The following ST8SIA3 variants were observed in gnomAD, a reference collection of about 807,000 sequenced individuals.
ST8SIA3 encodes alpha-N-acetylneuraminate alpha-2,8-sialyltransferase ST8SIA3.
A neutral mutation model predicts 34.5 loss-of-function variants in ST8SIA3; 17 were observed. The observed-to-expected ratio is 0.49, with a 90% CI of 0.34 to 0.74. The LOEUF (loss-of-function observed/expected upper bound fraction) is 0.74. Among genes scored for constraint, ST8SIA3 ranks in the 30% least tolerant of loss-of-function variants. The pLI is 0.01. For missense variants in ST8SIA3, 354 were observed against 467.8 expected (o/e 0.76, Z 2.24); for synonymous variants, 172 against 176.1 (o/e 0.98, Z 0.19).
rs1440239607 is a variant in ST8SIA3 at position 57,361,784 on chromosome 18, T to G, written c.*1507T>G. On this transcript the variant is annotated 3_prime_UTR_variant, in exon 4 of 4. Coordinates refer to ENST00000324000, the MANE Select transcript of ST8SIA3 (RefSeq NM_015879.3). ...TCTTTCCAAATGCCAGTCAAGCATA[T>G]TTGTTATGCATTTGAGTGGGGTAGC... 1.3e-5 allele frequency: 2 copies of G among 152,638 alleles called. No homozygotes were observed. Among genetic ancestry groups the G allele is most frequent in the East Asian group, 3.9e-4 (2 of 5,192 alleles). 9.5% of individuals were successfully genotyped at this position (152,638 alleles called of 1,614,324 possible).
Position 57,352,732 on chromosome 18 carries a change from TCACACACACACACA to T in ST8SIA3, c.-90_-77del, listed in dbSNP as rs59006823. On this transcript the variant is annotated 5_prime_UTR_variant, in exon 1 of 4. Coordinates refer to ENST00000324000, the MANE Select transcript of ST8SIA3 (RefSeq NM_015879.3). ...CCTCCTCCGCCACACGCGCGCGCGC[TCACACACACACACA>T]CACACACACACACACACACACACAT... is the stretch of plus-strand genomic sequence containing the variant. 579 of 390,278 alleles carry T rather than the reference TCACACACACACACA, an allele frequency of 1.5e-3. 2 individuals are homozygous for T. Among genetic ancestry groups the T allele is most frequent in the African/African-American group, 8.1e-3 (311 of 38,358 alleles). 24.2% of individuals were successfully genotyped at this position (390,278 alleles called of 1,614,324 possible).
At position 57,352,807 on chromosome 18, in the gene ST8SIA3, A is replaced by G. The variant is rs755824462; in HGVS notation, c.-40A>G. On this transcript the variant is annotated 5_prime_UTR_variant, in exon 1 of 4. Coordinates refer to ENST00000324000, the MANE Select transcript of ST8SIA3 (RefSeq NM_015879.3). ...CAGCGAGCTGCTGGCCGCTCAATGG[A>G]CCGATTTCCCCGGTTTCCCTGAACC... The G allele has an allele frequency of 2.5e-6, 4 of 1,587,484 alleles. No homozygotes were observed. The highest frequency in any genetic ancestry group is 3.4e-6 in the Non-Finnish European group (4 of 1,160,170).
chr18:57,357,526 G>A (rs2049806510), intron 3 of ST8SIA3, 56 bp downstream of exon 3: 7 of 1,411,400 alleles, frequency 5.0e-6, no homozygotes, highest in Middle Eastern at 1.8e-4. Context: ...AATCAATGTT[G>A]TAATCTCTTG....
chr18:57,365,777 T>C lies in ST8SIA3; in HGVS notation c.*5500T>C, dbSNP rs1266230445. 3.3e-5 allele frequency: 5 copies of C among 152,232 alleles called. No individual in the cohort carries two copies. Among genetic ancestry groups the C allele is most frequent in the Non-Finnish European group, 7.3e-5 (5 of 68,052 alleles). 9.4% of individuals were successfully genotyped at this position (152,232 alleles called of 1,614,324 possible). On this transcript the variant is annotated 3_prime_UTR_variant, in exon 4 of 4. Coordinates refer to ENST00000324000, the MANE Select transcript of ST8SIA3 (RefSeq NM_015879.3). The stretch of plus-strand genomic sequence containing the variant: ...GGTGATCAGTTATTACTTGTGGCCT[T>C]GTACCACCTCTGTTGGATAATGTGC...
At chr18:57,359,809 T>C (rs889784129) in intron 3 of ST8SIA3, among the ~76,000 whole-genome samples, 186 bp from the exon 4 acceptor site, 3 of 152,232 alleles carry the variant, frequency 2.0e-5, no homozygotes, top group East Asian at 3.8e-4. Flanking sequence ...TATTTCTTAC[T>C]GGATCTCACA....
At chr18:57,359,966 T>A (rs562733165) in intron 3 of ST8SIA3, 29 bp from the exon 4 acceptor site, 1 of 1,596,588 alleles carries the variant, frequency 6.3e-7, no homozygotes, top group African/African-American at 1.3e-5. Flanking sequence ...CGCTGACCTC[T>A]GAATCCAAAT....
rs1465577212 is a variant in ST8SIA3, at chr18:57,367,181, G to A, written c.*6904G>A. 2.0e-5 allele frequency: 3 copies of A among 152,178 alleles called. No individual in the cohort carries two copies. Among genetic ancestry groups the A allele is most frequent in the African/African-American group, 7.2e-5 (3 of 41,446 alleles). The allele number at this position is 152,178 out of a possible 1,614,324, so 9.4% of individuals were successfully genotyped here. On this transcript the variant is annotated 3_prime_UTR_variant, in exon 4 of 4. Transcript: ENST00000324000. ...ATCATGAAGGACCAAATCTACTTCC[G>A]TTGCTATAATAAAATACCCTACAGG...
At position 57,354,456 on chromosome 18, in the gene ST8SIA3, T is replaced by C. The variant is rs750420357; in HGVS notation, c.234T>C (p.Ser78=). The change falls in exon 2 of 4, where the codon TCT becomes TCC. Residue 78 remains serine (S), a synonymous_variant. Transcript: ENST00000324000. ...CGTCATTCGTGCCCATTACGAATTCTCTCACCCAGGAACTCCAAGAGAAAC... is the reference window on the plus strand; with the variant it reads ...CGTCATTCGTGCCCATTACGAATTCCCTCACCCAGGAACTCCAAGAGAAAC... The part of the protein sequence containing the change: ...LDPSFVPITN[S]LTQELQEKPS... The C allele has an allele frequency of 7.4e-6, 12 of 1,614,206 alleles. No individual in the cohort carries two copies. The highest frequency in any genetic ancestry group is 6.6e-5 in the South Asian group (6 of 91,084).
At chr18:57,354,333 C>T (rs1214416239) in intron 1 of ST8SIA3, 69 bp from the exon 2 acceptor site, 14 of 1,604,404 alleles carry the variant, frequency 8.7e-6, no homozygotes, top group African/African-American at 2.7e-5. Context: ...AGCCGCTGCA[C>T]TTTAATGGCT....
rs1404144229 is a variant in ST8SIA3 at position 57,360,003 on chromosome 18, A to C, written c.869A>C (p.Lys290Thr). ...NIMQHVNRYW[K>T]NKHLSPKRLS... ...TACTTATTGTTCCACAGGTACTGGA[A>C]AAACAAACATTTGTCACCTAAACGG... The change falls in exon 4 of 4, where the codon AAA becomes ACA. Residue 290 changes from lysine (K) to threonine (T), a missense_variant. Physicochemically the swap from Lys to Thr is moderately conservative, Grantham distance 78. Around this residue, in one of 3 missense-constraint regions of ST8SIA3, gnomAD observed 166 missense variants for 245.2 expected, o/e 0.68. Transcript: ENST00000324000. 2 of 1,611,286 alleles carry C rather than the reference A, an allele frequency of 1.2e-6. No individual in the cohort carries two copies. The highest frequency in any genetic ancestry group is 2.2e-5 in the South Asian group (2 of 91,016).
At chr18:57,353,608 T>G (rs1295317726) in intron 1 of ST8SIA3, among the ~76,000 whole-genome samples, 1 of 151,854 alleles carries the variant, frequency 6.6e-6, no homozygotes, top group Non-Finnish European at 1.5e-5. Context: ...TTCCGGGATT[T>G]CTGCAATTCC....
rs1328442297 is a variant in ST8SIA3 at position 57,361,945 on chromosome 18, A to G, written c.*1668A>G. The G allele has an allele frequency of 2.0e-5, 3 of 152,308 alleles. No homozygotes were observed. The highest frequency in any genetic ancestry group is 7.2e-5 in the African/African-American group (3 of 41,566). The allele number at this position is 152,308 out of a possible 1,614,324, so 9.4% of individuals were successfully genotyped here. ...GATCATGCCTAAAATTAAACCGAAT[A>G]TGGTAAGGAAAGACACTATCGTTAT... is the stretch of plus-strand genomic sequence containing the variant. On this transcript the variant is annotated 3_prime_UTR_variant, in exon 4 of 4. Coordinates refer to ENST00000324000, the MANE Select transcript of ST8SIA3 (RefSeq NM_015879.3).
In ST8SIA3 at chr18:57,357,010, CATAAAT is replaced by C; in HGVS notation, c.403_408del (p.Lys135_Tyr136del). On this transcript the variant is annotated inframe_deletion, in exon 3 of 4. Transcript: ENST00000324000. The stretch of plus-strand genomic sequence containing the variant: ...ACTGATGCACTATGATTATTCCAGC[CATAAAT>C]ATGTTTTCTCTATTAGCAATAACTT... The C allele has an allele frequency of 6.2e-7, 1 of 1,614,008 alleles. No individual in the cohort carries two copies. The highest frequency in any genetic ancestry group is 8.5e-7 in the Non-Finnish European group (1 of 1,179,952).
chr18:57,352,936 C>A lies in ST8SIA3; in HGVS notation c.90C>A (p.Tyr30Ter). 6.2e-7 allele frequency: 1 copy of A among 1,613,584 alleles called. No individual in the cohort carries two copies. Among genetic ancestry groups the A allele is most frequent in the African/African-American group, 1.3e-5 (1 of 74,924 alleles). ...TGCTGATTTTATCGCTCATCAGCTA[C>A]GTGTCCCTGAAAAAGGAGAACATCT... ...VALLILSLIS[Y>*]VSLKKENIFT... The change falls in exon 1 of 4, where the codon TAC becomes TAA. Residue 30 changes from tyrosine (Y) to a stop codon, truncating the protein, a stop_gained. Transcript: ENST00000324000. LOFTEE classifies it high-confidence loss of function.
rs2049851712 is a variant in ST8SIA3 at position 57,364,876 on chromosome 18, T to C, written c.*4599T>C. On this transcript the variant is annotated 3_prime_UTR_variant, in exon 4 of 4. Coordinates refer to ENST00000324000, the MANE Select transcript of ST8SIA3 (RefSeq NM_015879.3). ...CATCTTATGCAGTATTTCTGAAAAT[T>C]TATTTTTATTGTGATGACTGATTGA... 6.6e-6 allele frequency: 1 copy of C among 152,550 alleles called. No homozygotes were observed. The allele number at this position is 152,550 out of a possible 1,614,324, so 9.4% of individuals were successfully genotyped here. A position where few individuals can be genotyped will look rare whatever the true frequency, so the allele number is the denominator to read the frequency against.
rs960944888 is a variant in ST8SIA3, at chr18:57,356,523, A to C, written c.303-390A>C. On this transcript the variant is annotated intron_variant, in intron 2 of 3. Coordinates refer to ENST00000324000, the MANE Select transcript of ST8SIA3 (RefSeq NM_015879.3). ...AACAAGTAGACCCTAGTTACAAACT[A>C]TGTGTTACTAATGTTTGTGCATTAA... Among the ~76,000 whole-genome samples the C allele has an allele frequency of 2.6e-4, 39 of 152,218 alleles. 1 individual carries two copies. Among genetic ancestry groups the C allele is most frequent in the African/African-American group, 8.4e-4 (35 of 41,468 alleles).
rs1568101404 is a variant in ST8SIA3, at chr18:57,357,172, C to T, written c.562C>T (p.Arg188Cys). 1 of 1,613,936 alleles carries T rather than the reference C, an allele frequency of 6.2e-7. No individual in the cohort carries two copies. The highest frequency in any genetic ancestry group is 8.5e-7 in the Non-Finnish European group (1 of 1,179,984). The change falls in exon 3 of 4, where the codon CGT (arginine) becomes TGT (cysteine). Residue 188 changes from arginine (R) to cysteine (C), a missense_variant. This residue lies in a region of ST8SIA3 where 166 missense variants were observed against 245.2 expected (regional missense o/e 0.68). Coordinates refer to ENST00000324000, the MANE Select transcript of ST8SIA3 (RefSeq NM_015879.3). ...AATAGATAAATCAGATTTTGTTTTC[C>T]GTTGCAATTTCGCCCCTACGGAGGC... ...QEIDKSDFVF[R>C]CNFAPTEAFQ... is the part of the protein sequence containing the mutation.
chr18:57,355,956 T>A (rs2049795708), intron 2 of ST8SIA3, among the ~76,000 whole-genome samples: 1 of 152,210 alleles, frequency 6.6e-6, no homozygotes, highest in Non-Finnish European at 1.5e-5. Flanking sequence ...TAAATTAAAA[T>A]TCCAAGCAAC....
At chr18:57,354,332 A>G (rs113423471) in intron 1 of ST8SIA3, 70 bp from the exon 2 acceptor site, 5 of 1,601,524 alleles carry the variant, frequency 3.1e-6, no homozygotes, top group Non-Finnish European at 3.4e-6. Flanking sequence ...CAGCCGCTGC[A>G]CTTTAATGGC....
Sources: allele counts gnomAD v4.1 joint callset (sites outside exome capture counted in the v4.1 genomes callset), GRCh38; gene constraint gnomAD v4.1.1; regional missense constraint gnomAD v4.1.1; transcripts MANE v1.5; gene names NCBI Gene and HGNC (gene_info 2026-07-23, HGNC 2026-07-21).